Variants in ARL15 observed in about 807,000 individuals in gnomAD.
ARL15 encodes the protein ADP-ribosylation factor-like protein 15.
In ARL15, 19 loss-of-function variants were observed where a neutral mutation model predicts 25.2. That is an observed-to-expected ratio of 0.75 (90% CI 0.53 to 1.10). The LOEUF (loss-of-function observed/expected upper bound fraction) is 1.10, where lower values mean the gene tolerates loss of function less well. Among genes scored for constraint, ARL15 ranks in the 50% least tolerant of loss-of-function variants. The pLI, the probability that ARL15 is intolerant of heterozygous loss-of-function variation, is 0.00. For synonymous variants in ARL15, 94 were observed against 86.8 expected (o/e 1.08, Z -0.46); for missense variants, 220 against 246.0 (o/e 0.89, Z 0.71).
At chr5:53,894,259 C>A (rs578109278) in intron 4 of ARL15, among the ~76,000 whole-genome samples, 2 of 152,288 alleles carry the variant, frequency 1.3e-5, no homozygotes, top group East Asian at 1.9e-4. Context: ...TGTGATTGAG[C>A]CTTGCTCTTA....
chr5:54,237,772 C>T (rs1756848714), intron 1 of ARL15, among the ~76,000 whole-genome samples: 1 of 152,136 alleles, frequency 6.6e-6, no homozygotes, highest in East Asian at 1.9e-4. Context: ...TTTGCCAAAC[C>T]TTCAAAAATA....
chr5:54,205,077 G>T (rs1005979152), intron 1 of ARL15, among the ~76,000 whole-genome samples: 1 of 151,914 alleles, frequency 6.6e-6, no homozygotes, highest in African/African-American at 2.4e-5. Context: ...TGGGATTTAC[G>T]GGTGTGAGCC....
At chr5:54,035,618 G>A (rs1355907882) in intron 4 of ARL15, among the ~76,000 whole-genome samples, 1 of 152,084 alleles carries the variant, frequency 6.6e-6, no homozygotes, top group Non-Finnish European at 1.5e-5. Context: ...CCAGGAACTA[G>A]ACATCATTAC....
At chr5:54,183,672 C>T (rs1755132857) in intron 1 of ARL15, among the ~76,000 whole-genome samples, 1 of 150,806 alleles carries the variant, frequency 6.6e-6, no homozygotes, top group Non-Finnish European at 1.5e-5. Context: ...CTAGTTCAAC[C>T]ATTGTGGAAG....
chr5:54,106,518 G>T (rs1188295990), intron 4 of ARL15, among the ~76,000 whole-genome samples: 3 of 152,008 alleles, frequency 2.0e-5, no homozygotes, highest in Non-Finnish European at 4.4e-5. Flanking sequence ...ATATCAAATG[G>T]AGGAGTATTA....
At chr5:54,038,541 A>G (rs1750238851) in intron 4 of ARL15, among the ~76,000 whole-genome samples, 1 of 152,142 alleles carries the variant, frequency 6.6e-6, no homozygotes, top group Admixed American at 6.5e-5. Flanking sequence ...CATTGAAAAC[A>G]ATGAAATACC....
chr5:54,210,606 T>G (rs1056078097), intron 1 of ARL15, among the ~76,000 whole-genome samples: 1 of 152,184 alleles, frequency 6.6e-6, no homozygotes, highest in Non-Finnish European at 1.5e-5. Context: ...ACAAATCCTT[T>G]GAGGCATCTG....
intron 3 of ARL15, among the ~76,000 whole-genome samples, chr5:54,150,483 G>A (rs1754033715): frequency 6.6e-6 from 1 of 152,188 alleles, no homozygotes; most frequent in South Asian, 2.1e-4. Context: ...TGAGCAGAGA[G>A]CAAGGTATTC....
intron 4 of ARL15, among the ~76,000 whole-genome samples, chr5:54,108,931 T>A (rs555074644): frequency 1.3e-5 from 2 of 152,060 alleles, no homozygotes; most frequent in Non-Finnish European, 2.9e-5. Flanking sequence ...AATGAATGCA[T>A]TGTTCAAAAA....
At chr5:54,217,274 AAT>A (rs1273688471) in intron 1 of ARL15, among the ~76,000 whole-genome samples, 1 of 152,004 alleles carries the variant, frequency 6.6e-6, no homozygotes, top group African/African-American at 2.4e-5. Flanking sequence ...CTTCCCTAAA[AAT>A]ATCTTAAAAT....
chr5:54,119,581 T>C (rs1397758358), intron 3 of ARL15, among the ~76,000 whole-genome samples: 1 of 152,182 alleles, frequency 6.6e-6, no homozygotes, highest in Non-Finnish European at 1.5e-5. Context: ...GCCTATAACT[T>C]GAAGTTCTCA....
chr5:53,987,475 CTTT>C (rs35849750), intron 4 of ARL15, among the ~76,000 whole-genome samples: 12 of 144,204 alleles, frequency 8.3e-5, no homozygotes, highest in African/African-American at 1.5e-4. Flanking sequence ...ACCCCTTTCA[CTTT>C]TTTTTTTTTT....
At chr5:54,142,777 C>T (rs938790228) in intron 3 of ARL15, among the ~76,000 whole-genome samples, 1 of 152,140 alleles carries the variant, frequency 6.6e-6, no homozygotes, top group African/African-American at 2.4e-5. Context: ...AAAAAAAAAT[C>T]CAATTTACCA....
Position 53,895,633 on chromosome 5 carries a change from A to G in ARL15, c.463-8920T>C, listed in dbSNP as rs185108278. Among the ~76,000 whole-genome samples, 561 of 152,276 alleles carry G rather than the reference A, an allele frequency of 3.7e-3. 1 individual carries two copies. Among genetic ancestry groups the G allele is most frequent in the Non-Finnish European group, 6.6e-3 (446 of 68,024 alleles). On this transcript the variant is annotated intron_variant, in intron 4 of 4. Coordinates refer to ENST00000504924, the MANE Select transcript of ARL15 (RefSeq NM_019087.3). ...CAGTTTGTTAAATTTACACCACCTG[A>G]AGCCTAGCTTTTCCTGAAATTTTTG...
chr5:53,968,248 T>C (rs1424790062), intron 4 of ARL15, among the ~76,000 whole-genome samples: 1 of 152,196 alleles, frequency 6.6e-6, no homozygotes, highest in Non-Finnish European at 1.5e-5. Flanking sequence ...AGATGATCGA[T>C]CACTTTCAAC....
At chr5:53,897,637 C>T (rs553556210) in intron 4 of ARL15, among the ~76,000 whole-genome samples, 2 of 152,164 alleles carry the variant, frequency 1.3e-5, no homozygotes, top group African/African-American at 4.8e-5. Flanking sequence ...AAATGCTTTT[C>T]CTGCATTTGA....
intron 1 of ARL15, among the ~76,000 whole-genome samples, chr5:54,219,070 G>A (rs995072715): frequency 2.6e-5 from 4 of 151,374 alleles, no homozygotes; most frequent in African/African-American, 9.7e-5. Flanking sequence ...GGATTTAGTC[G>A]GCACTAACAT....
chr5:54,125,704 G>C (rs1480670417), intron 3 of ARL15, among the ~76,000 whole-genome samples: 1 of 152,166 alleles, frequency 6.6e-6, no homozygotes, highest in Non-Finnish European at 1.5e-5. Context: ...GGAACTGCTG[G>C]GTCAAATGTT....
rs10042795 is a variant in ARL15 at position 54,040,578 on chromosome 5, T to G, written c.462+72624A>C. On this transcript the variant is annotated intron_variant, in intron 4 of 4. Coordinates refer to ENST00000504924, the MANE Select transcript of ARL15 (RefSeq NM_019087.3). ...CATTATTAAATAAGACTGATCACAG[T>G]AGAGCTACTAACTGCATTCATTATG... Among the ~76,000 whole-genome samples the G allele has an allele frequency of 8.5e-3, 1,292 of 152,298 alleles. 25 individuals are homozygous for G. The highest frequency in any genetic ancestry group is 0.03 in the African/African-American group (1,234 of 41,560).
Sources: allele counts gnomAD v4.1 joint callset (sites outside exome capture counted in the v4.1 genomes callset), GRCh38; gene constraint gnomAD v4.1.1; transcripts MANE v1.5; gene names NCBI Gene and HGNC (gene_info 2026-07-23, HGNC 2026-07-21).